Variants in KCNN3 observed in about 807,000 individuals in gnomAD.
KCNN3 encodes the protein small conductance calcium-activated potassium channel protein 3.
Under a neutral mutation model 62.9 loss-of-function variants are expected in KCNN3, and 16 were observed. The ratio of observed to expected loss-of-function variants is 0.25; its 90% CI spans 0.17 to 0.39. The LOEUF is 0.39. KCNN3 is among the 10% of genes least tolerant of loss of function. KCNN3 has a pLI of 1.00. For missense variants in KCNN3, 599 were observed against 949.4 expected, an observed-to-expected ratio of 0.63 and a Z score of 4.85; for synonymous variants, 370 against 389.2, an observed-to-expected ratio of 0.95 and a Z score of 0.58.
intron 7 of KCNN3, among the ~76,000 whole-genome samples, chr1:154,711,501 A>C (rs889127019): frequency 2.7e-5 from 4 of 145,556 alleles, no homozygotes; most frequent in African/African-American, 9.8e-5. Flanking sequence ...AATAATAATA[A>C]AACTAAAAAA....
rs764469884 is a variant in KCNN3 at position 154,725,959 on chromosome 1, T to A, written c.1658A>T (p.Lys553Met). ...ARKLELTKAE[K>M]HVHNFMMDTQ... The stretch of plus-strand genomic sequence containing the variant: ...GTCCATCATGAAGTTATGAACGTGC[T>A]TCTCCGCTTTGGTGAGTTCCAGCTT... Residue 553 changes from lysine to methionine, a missense_variant, in exon 5 of 8, where the codon AAG becomes ATG. Transcript: ENST00000271915. 6.2e-7 allele frequency: 1 copy of A among 1,614,194 alleles called. No individual in the cohort carries two copies. Among genetic ancestry groups the A allele is most frequent in the South Asian group, 1.1e-5 (1 of 91,088 alleles).
At chr1:154,726,554 C>G (rs1700469508) in intron 4 of KCNN3, among the ~76,000 whole-genome samples, 1 of 152,232 alleles carries the variant, frequency 6.6e-6, no homozygotes, top group Admixed American at 6.5e-5. Flanking sequence ...GAGGCAATAC[C>G]TTTCCCCAGG....
At chr1:154,832,692 C>A (rs1048616688) in intron 1 of KCNN3, among the ~76,000 whole-genome samples, 2 of 152,192 alleles carry the variant, frequency 1.3e-5, no homozygotes, top group African/African-American at 2.4e-5. Flanking sequence ...CTTAGTAAAA[C>A]CTATCTGGCT....
chr1:154,805,140 TGAGGCGGTGAA>T (rs1650116184), intron 2 of KCNN3, among the ~76,000 whole-genome samples: 1 of 151,790 alleles, frequency 6.6e-6, no homozygotes, highest in Non-Finnish European at 1.5e-5. Context: ...AGGGTTCGAG[TGAGGCGGTGAA>T]GAGGAAACAG....
intron 1 of KCNN3, among the ~76,000 whole-genome samples, chr1:154,868,740 G>A (rs934777878): frequency 1.3e-5 from 2 of 152,062 alleles, no homozygotes; most frequent in African/African-American, 4.8e-5. Flanking sequence ...ATTAGACACA[G>A]TGTGTGGGGA....
chr1:154,717,507 C>A (rs1011872329), intron 5 of KCNN3, among the ~76,000 whole-genome samples: 3 of 151,848 alleles, frequency 2.0e-5, no homozygotes, highest in African/African-American at 7.3e-5. Flanking sequence ...CAAACAAAAT[C>A]ATTTCCTGTT....
At chr1:154,797,961 G>A (rs1447394548) in intron 2 of KCNN3, among the ~76,000 whole-genome samples, 1 of 152,134 alleles carries the variant, frequency 6.6e-6, no homozygotes, top group Non-Finnish European at 1.5e-5. Context: ...GCACTCTCTG[G>A]CTCTAATTGT....
At chr1:154,788,612 G>C (rs2101859360) in intron 2 of KCNN3, among the ~76,000 whole-genome samples, 1 of 152,186 alleles carries the variant, frequency 6.6e-6, no homozygotes, top group East Asian at 1.9e-4. Context: ...TAGTCTTCCT[G>C]AGAGGCACCA....
chr1:154,722,366 T>C (rs1700368298), intron 5 of KCNN3, among the ~76,000 whole-genome samples: 2 of 150,614 alleles, frequency 1.3e-5, no homozygotes. Context: ...TGAGATGTTA[T>C]GAATAGACTG....
chr1:154,750,236 T>C (rs1268192601), intron 3 of KCNN3, among the ~76,000 whole-genome samples: 1 of 152,232 alleles, frequency 6.6e-6, no homozygotes, highest in African/African-American at 2.4e-5. Flanking sequence ...GCCTCGAAGC[T>C]GGTGCACCCC....
intron 2 of KCNN3, among the ~76,000 whole-genome samples, chr1:154,813,080 C>A (rs112757152): frequency 3.3e-5 from 5 of 152,326 alleles, no homozygotes; most frequent in African/African-American, 1.2e-4. Context: ...TGAGCTAGAA[C>A]AAGTAGCTTG....
chr1:154,868,029 C>A (rs1000945779), intron 1 of KCNN3: 2 of 985,332 alleles, frequency 2.0e-6, no homozygotes, highest in Non-Finnish European at 2.4e-6. Context: ...AGCAGTGGGG[C>A]CAGCTCCCCG....
chr1:154,832,234 G>A (rs112418329), intron 1 of KCNN3, among the ~76,000 whole-genome samples: 5 of 151,610 alleles, frequency 3.3e-5, no homozygotes, highest in Non-Finnish European at 7.4e-5. Context: ...CTTGTGGAAT[G>A]TGAGTGCTCT....
At chr1:154,764,754 T>C (rs1648180193) in intron 3 of KCNN3, among the ~76,000 whole-genome samples, 1 of 152,214 alleles carries the variant, frequency 6.6e-6, no homozygotes, top group Non-Finnish European at 1.5e-5. Context: ...CAGAATCTAC[T>C]TTTTCTTTGA....
intron 3 of KCNN3, 54 bp from the exon 4 acceptor site, chr1:154,733,198 G>C (rs1392503944): frequency 2.5e-6 from 4 of 1,589,608 alleles, no homozygotes; most frequent in Non-Finnish European, 3.5e-6. Context: ...TGGGAGTAAG[G>C]GCTGTGGGCA....
intron 7 of KCNN3, among the ~76,000 whole-genome samples, chr1:154,709,494 G>A (rs938841385): frequency 1.3e-5 from 2 of 152,166 alleles, no homozygotes. Context: ...GCAGCAGCAA[G>A]TAAGGTGAGA....
intron 7 of KCNN3, among the ~76,000 whole-genome samples, chr1:154,711,635 T>A (rs987181961): frequency 6.6e-6 from 1 of 152,162 alleles, no homozygotes. Flanking sequence ...GGGCAGTTTG[T>A]TGGGCTATTC....
At chr1:154,856,258 G>A (rs1160031377) in intron 1 of KCNN3, among the ~76,000 whole-genome samples, 1 of 152,136 alleles carries the variant, frequency 6.6e-6, no homozygotes, top group Non-Finnish European at 1.5e-5. Flanking sequence ...AGGGAGGCTG[G>A]CCAGAAGGGC....
intron 1 of KCNN3, among the ~76,000 whole-genome samples, chr1:154,838,641 C>A (rs552048706): frequency 4.6e-5 from 7 of 152,212 alleles, no homozygotes; most frequent in African/African-American, 1.7e-4. Flanking sequence ...TCAGGACCGG[C>A]TCCGTTCTCG....
Sources: gnomAD v4.1 joint callset for allele counts (sites outside exome capture counted in the v4.1 genomes callset) on GRCh38, gnomAD v4.1.1 for gene constraint, MANE v1.5 for transcripts, NCBI Gene and HGNC (gene_info 2026-07-23, HGNC 2026-07-21) for gene names.